Variants in IL31RA observed in about 807,000 individuals in gnomAD.
The protein encoded by IL31RA is interleukin 31 receptor A.
IL31RA carries 66 observed loss-of-function variants against 83.7 expected under a neutral mutation model. The ratio of observed to expected loss-of-function variants is 0.79; its 90% CI spans 0.65 to 0.97. IL31RA has a LOEUF of 0.97. Among genes scored for constraint, IL31RA ranks in the 50% least tolerant of loss-of-function variants. IL31RA has a pLI of 0.00. For synonymous variants in IL31RA, 325 were observed against 329.0 expected, an observed-to-expected ratio of 0.99 and a Z score of 0.13; for missense variants, 798 against 919.4, an observed-to-expected ratio of 0.87 and a Z score of 1.71.
intron 4 of IL31RA, among the ~76,000 whole-genome samples, chr5:55,877,746 T>C (rs1746948122): frequency 6.6e-6 from 1 of 152,216 alleles, no homozygotes; most frequent in Non-Finnish European, 1.5e-5. Context: ...TCTCTCTTGC[T>C]GCTTCCAAGA....
rs538002038 is a variant in IL31RA at position 55,917,667 on chromosome 5, G to C, written c.*547G>C. ...TGGAGGTGGAGTGGACCTTCCTAAGGGGTTGTCTGAGGCTCCTCACATCCT... is the reference window on the plus strand; with the variant it reads ...TGGAGGTGGAGTGGACCTTCCTAAGCGGTTGTCTGAGGCTCCTCACATCCT... On this transcript the variant is annotated 3_prime_UTR_variant, in exon 15 of 15. Transcript: ENST00000652347. 9.9e-5 allele frequency among the ~76,000 whole-genome samples: 15 copies of C among 152,270 alleles called. No homozygotes were observed. Among genetic ancestry groups the C allele is most frequent in the Admixed American group, 3.3e-4 (5 of 15,298 alleles).
chr5:55,870,643 C>A (rs1561545957), intron 3 of IL31RA, among the ~76,000 whole-genome samples: 1 of 152,200 alleles, frequency 6.6e-6, no homozygotes, highest in African/African-American at 2.4e-5. Context: ...GGCCTATACC[C>A]AGCTCCCCTT....
At chr5:55,858,829 C>T (rs1241407684) in intron 1 of IL31RA, among the ~76,000 whole-genome samples, 2 of 152,130 alleles carry the variant, frequency 1.3e-5, no homozygotes, top group Non-Finnish European at 2.9e-5. Flanking sequence ...CCAGGCACTG[C>T]CTTAGATACC....
intron 7 of IL31RA, among the ~76,000 whole-genome samples, chr5:55,898,004 G>A (rs554714992): frequency 2.6e-5 from 4 of 152,300 alleles, no homozygotes; most frequent in Admixed American, 2.0e-4. Context: ...CTCCACACCC[G>A]CAGGGCTATG....
rs1749997704 is a variant in IL31RA, at chr5:55,919,802, C to T, written c.*2682C>T. On this transcript the variant is annotated 3_prime_UTR_variant, in exon 15 of 15. Coordinates refer to ENST00000652347, the MANE Select transcript of IL31RA (RefSeq NM_139017.7). ...GATGTGAGCCTCAGAGTTCAGGGCGCAGGTGACTTCCTCTCCTGGATCGAG... is the reference window on the plus strand; with the variant it reads ...GATGTGAGCCTCAGAGTTCAGGGCGTAGGTGACTTCCTCTCCTGGATCGAG... Among the ~76,000 whole-genome samples, 1 of 152,190 alleles carries T rather than the reference C, an allele frequency of 6.6e-6. No individual in the cohort carries two copies. The highest frequency in any genetic ancestry group is 6.5e-5 in the Admixed American group (1 of 15,284).
At chr5:55,842,702 C>T in the IL31RA span, among the ~76,000 whole-genome samples, 9 of 152,182 alleles carry the variant, frequency 5.9e-5, no homozygotes, top group African/African-American at 1.9e-4. Context: ...CATTTTCCCA[C>T]TTAAGTTGTG....
chr5:55,863,211 A>T (rs952411552), intron 2 of IL31RA, among the ~76,000 whole-genome samples: 112 of 152,234 alleles, frequency 7.4e-4, no homozygotes, highest in African/African-American at 2.6e-3. Flanking sequence ...TGAATCTAAA[A>T]TCCTCATATG....
chr5:55,909,417 G>C (rs187537206), intron 11 of IL31RA, among the ~76,000 whole-genome samples: 2 of 151,938 alleles, frequency 1.3e-5, no homozygotes, highest in Non-Finnish European at 2.9e-5. Context: ...CGTTCTTTGG[G>C]GCATATACCT....
rs986045491 is a variant in IL31RA, at chr5:55,920,664, A to C, written c.*3544A>C. On this transcript the variant is annotated 3_prime_UTR_variant, in exon 15 of 15. Transcript: ENST00000652347. ...ACCATAACCCACAGACATGAAACTC[A>C]GACTGCCACTATGTTTCAACTTTGA... Among the ~76,000 whole-genome samples the C allele has an allele frequency of 1.3e-5, 2 of 152,262 alleles. No individual in the cohort carries two copies. Among genetic ancestry groups the C allele is most frequent in the African/African-American group, 4.8e-5 (2 of 41,474 alleles).
chr5:55,864,558 ACAT>A (rs1438516030), intron 2 of IL31RA, among the ~76,000 whole-genome samples: 1 of 150,044 alleles, frequency 6.7e-6, no homozygotes. Context: ...CACACACCAC[ACAT>A]ATGTCACACA....
intron 5 of IL31RA, among the ~76,000 whole-genome samples, chr5:55,884,688 T>C (rs1337437007): frequency 6.6e-6 from 1 of 152,236 alleles, no homozygotes; most frequent in Non-Finnish European, 1.5e-5. Flanking sequence ...CCCAAAGTTC[T>C]GAGATTACAG....
intron 4 of IL31RA, among the ~76,000 whole-genome samples, chr5:55,878,455 A>C (rs976197534): frequency 6.6e-6 from 1 of 152,152 alleles, no homozygotes; most frequent in Admixed American, 6.5e-5. Context: ...TGGGCATTGG[A>C]AAAAACAGCT....
At chr5:55,904,682 C>T (rs1413206740) in intron 8 of IL31RA, among the ~76,000 whole-genome samples, 4 of 152,134 alleles carry the variant, frequency 2.6e-5, no homozygotes, top group South Asian at 2.1e-4. Flanking sequence ...GAAAAGGATC[C>T]GTCAACTGTG....
Position 55,913,577 on chromosome 5 carries a change from C to T in IL31RA, c.1736+7C>T, listed in dbSNP as rs779284086. On this transcript the variant is annotated splice_region_variant and intron_variant, in intron 13 of 14. Transcript: ENST00000652347. Reference sequence around the variant, plus strand: ...ATGGTCTCAAAAAACCCAAGTGAGTCTGCAGACAACAGTGGGTGCCTTAAA... The same window carrying T: ...ATGGTCTCAAAAAACCCAAGTGAGTTTGCAGACAACAGTGGGTGCCTTAAA... 9 of 1,578,318 alleles carry T rather than the reference C, an allele frequency of 5.7e-6. No individual in the cohort carries two copies.
intron 9 of IL31RA, among the ~76,000 whole-genome samples, chr5:55,906,493 G>T (rs1265222009): frequency 6.6e-6 from 1 of 152,184 alleles, no homozygotes; most frequent in Non-Finnish European, 1.5e-5. Context: ...AGCAGACCAG[G>T]TATCTGATCG....
chr5:55,915,001 A>G, intron 14 of IL31RA, 73 bp downstream of exon 14: 2 of 1,145,136 alleles, frequency 1.7e-6, no homozygotes, highest in African/African-American at 1.5e-5. Flanking sequence ...ATGGGGAAAG[A>G]GTCCTAGGCT....
chr5:55,846,353 C>T, the IL31RA span, among the ~76,000 whole-genome samples: 6 of 152,148 alleles, frequency 3.9e-5, no homozygotes, highest in South Asian at 4.1e-4. Context: ...TATTCTGATG[C>T]GTATTGTTTG....
chr5:55,872,548 G>A (rs1746589834), intron 4 of IL31RA, 97 bp downstream of exon 4: 2 of 651,712 alleles, frequency 3.1e-6, no homozygotes, highest in Non-Finnish European at 5.2e-6. Flanking sequence ...GGCTCATCAA[G>A]TTCAAGGATA....
intron 1 of IL31RA, among the ~76,000 whole-genome samples, chr5:55,857,914 T>G (rs537531758): frequency 5.4e-4 from 82 of 152,302 alleles, no homozygotes; most frequent in African/African-American, 1.9e-3. Context: ...GTCACCAGTT[T>G]GTTTGTGAGA....
Sources: gnomAD v4.1 joint callset for allele counts (sites outside exome capture counted in the v4.1 genomes callset) on GRCh38, gnomAD v4.1.1 for gene constraint, MANE v1.5 for transcripts, NCBI Gene and HGNC (gene_info 2026-07-23, HGNC 2026-07-21) for gene names.